The following CCDC73 variants were observed in gnomAD, a reference collection of about 807,000 sequenced individuals.
CCDC73 encodes the protein coiled-coil domain containing 73.
A neutral mutation model predicts 116.5 loss-of-function variants in CCDC73; 95 were observed. The observed-to-expected ratio is 0.82, with a 90% CI of 0.69 to 0.97. The LOEUF (loss-of-function observed/expected upper bound fraction) is 0.97, where lower values mean the gene tolerates loss of function less well. CCDC73 is among the 50% of genes least tolerant of loss of function. The pLI, the probability that CCDC73 is intolerant of heterozygous loss-of-function variation, is 0.00. For synonymous variants in CCDC73, 398 were observed against 401.3 expected, an observed-to-expected ratio of 0.99 and a Z score of 0.10; for missense variants, 1,066 against 1,206.8, an observed-to-expected ratio of 0.88 and a Z score of 1.73.
intron 13 of CCDC73, among the ~76,000 whole-genome samples, chr11:32,637,461 A>C (rs1216545501): frequency 2.6e-5 from 4 of 152,148 alleles, no homozygotes; most frequent in African/African-American, 7.2e-5. Flanking sequence ...CAAGTCTCAC[A>C]TCATTTAATA....
intron 1 of CCDC73, among the ~76,000 whole-genome samples, chr11:32,769,766 C>A (rs1364572360): frequency 6.6e-6 from 1 of 152,106 alleles, no homozygotes; most frequent in African/African-American, 2.4e-5. Context: ...AAAATCTTAC[C>A]CATCCTTCAA....
intron 3 of CCDC73, among the ~76,000 whole-genome samples, chr11:32,708,544 G>A (rs1849873818): frequency 6.6e-6 from 1 of 152,136 alleles, no homozygotes; most frequent in Admixed American, 6.6e-5. Flanking sequence ...AGCATGGGAT[G>A]TGTTTCCATT....
chr11:32,720,844 C>T (rs1351086716), intron 2 of CCDC73, among the ~76,000 whole-genome samples: 2 of 152,064 alleles, frequency 1.3e-5, no homozygotes, highest in African/African-American at 4.8e-5. Flanking sequence ...CATGAGGGAG[C>T]TTTCTGGGTT....
chr11:32,758,563 GA>G, intron 2 of CCDC73: 1 of 442,456 alleles, frequency 2.3e-6, no homozygotes, highest in Non-Finnish European at 4.5e-6. Context: ...TCAAGGAGCA[GA>G]AAATCCTTGT....
intron 1 of CCDC73, among the ~76,000 whole-genome samples, chr11:32,764,018 T>A (rs1438497784): frequency 6.6e-6 from 1 of 152,140 alleles, no homozygotes; most frequent in Non-Finnish European, 1.5e-5. Context: ...TATCAGTGAT[T>A]GAAGATCAAA....
chr11:32,645,118 GATTA>G (rs1481663488), intron 12 of CCDC73, among the ~76,000 whole-genome samples: 35 of 151,998 alleles, frequency 2.3e-4, no homozygotes, highest in African/African-American at 8.2e-4. Flanking sequence ...ACAGAGTCAG[GATTA>G]TCCATATTAT....
the CCDC73 span, among the ~76,000 whole-genome samples, chr11:32,810,517 G>A: frequency 6.6e-6 from 1 of 152,154 alleles, no homozygotes; most frequent in Non-Finnish European, 1.5e-5. Context: ...TCTTAAACCA[G>A]TGCTCTTTCT....
At chr11:32,829,874 C>A in the CCDC73 span, 3 of 985,558 alleles carry the variant, frequency 3.0e-6, no homozygotes, top group Non-Finnish European at 3.6e-6. Flanking sequence ...TAGGCCCGGC[C>A]CCCGGGAGGT....
intron 9 of CCDC73, among the ~76,000 whole-genome samples, chr11:32,667,405 T>C (rs549389717): frequency 6.6e-6 from 1 of 152,354 alleles, no homozygotes; most frequent in South Asian, 2.1e-4. Context: ...TGCAGTTTGA[T>C]CTCAGACTGC....
intron 14 of CCDC73, among the ~76,000 whole-genome samples, chr11:32,620,732 G>C (rs1013372959): frequency 2.0e-5 from 3 of 151,702 alleles, no homozygotes; most frequent in African/African-American, 7.3e-5. Flanking sequence ...AGAGCAATGA[G>C]TAACAGGAGG....
At position 32,616,117 on chromosome 11, in the gene CCDC73, C is replaced by T; in HGVS notation, c.1198G>A (p.Val400Ile). ...EDKKFQNVPE[V>I]NNENSEMSTE... ...GACATTTCACTGTTTTCATTATTTA[C>T]TTCTGGAACATTCTAGTGTAAAATG... is the stretch of plus-strand genomic sequence containing the variant. Residue 400 changes from valine (V) to isoleucine (I), a missense_variant, in exon 15 of 18, where the codon GTA (valine) becomes ATA (isoleucine). Val to Ile is a conservative substitution (Grantham distance 29). Transcript: ENST00000335185. 1.3e-6 allele frequency: 2 copies of T among 1,573,274 alleles called. No homozygotes were observed. The highest frequency in any genetic ancestry group is 1.7e-6 in the Non-Finnish European group (2 of 1,165,622).
chr11:32,679,797 G>A (rs999790635), intron 7 of CCDC73: 2 of 152,146 alleles, frequency 1.3e-5, no homozygotes, highest in African/African-American at 4.8e-5. Context: ...AATAAAATAG[G>A]TAGTCAATGC....
chr11:32,806,538 T>G, the CCDC73 span, among the ~76,000 whole-genome samples: 1 of 151,288 alleles, frequency 6.6e-6, no homozygotes, highest in African/African-American at 2.4e-5. Context: ...GCGGGAGGAT[T>G]GCTTGAACCC....
chr11:32,618,960 T>C (rs570279319), intron 14 of CCDC73, among the ~76,000 whole-genome samples: 1 of 152,360 alleles, frequency 6.6e-6, no homozygotes, highest in South Asian at 2.1e-4. Context: ...TCATGTTTGT[T>C]GGCTGCTCAT....
the CCDC73 span, among the ~76,000 whole-genome samples, chr11:32,809,882 A>T: frequency 2.6e-5 from 4 of 152,238 alleles, no homozygotes; most frequent in African/African-American, 4.8e-5. Flanking sequence ...ATAACTTAGG[A>T]AAAGCATGCA....
chr11:32,655,389 G>A (rs1009326029), intron 9 of CCDC73, among the ~76,000 whole-genome samples: 3 of 152,102 alleles, frequency 2.0e-5, no homozygotes, highest in South Asian at 2.1e-4. Context: ...TTAGAAAAAT[G>A]AATAAAAAAC....
At chr11:32,624,829 T>C (rs901106748) in intron 14 of CCDC73, among the ~76,000 whole-genome samples, 35 of 152,310 alleles carry the variant, frequency 2.3e-4, no homozygotes, top group African/African-American at 8.4e-4. Context: ...GGCACATATA[T>C]ACCATGGAAT....
At chr11:32,817,264 G>A in the CCDC73 span, among the ~76,000 whole-genome samples, 1 of 152,198 alleles carries the variant, frequency 6.6e-6, no homozygotes, top group African/African-American at 2.4e-5. Context: ...TGCAATGAAC[G>A]TCTTCAGAGC....
chr11:32,822,756 A>G, the CCDC73 span, among the ~76,000 whole-genome samples: 85,477 of 151,540 alleles, frequency 0.56, 24,426 homozygotes, highest in South Asian at 0.67. Context: ...CTTAGAAGAA[A>G]TAAGAGGGAA....
Sources: allele counts gnomAD v4.1 joint callset (sites outside exome capture counted in the v4.1 genomes callset), GRCh38; gene constraint gnomAD v4.1.1; transcripts MANE v1.5; gene names NCBI Gene and HGNC (gene_info 2026-07-23, HGNC 2026-07-21).